Variants in GRIP1 observed in about 807,000 individuals in gnomAD.
The protein encoded by GRIP1 is glutamate receptor-interacting protein 1.
A neutral mutation model predicts 129.9 loss-of-function variants in GRIP1; 45 were observed. The ratio of observed to expected loss-of-function variants is 0.35; its 90% CI spans 0.27 to 0.44. The LOEUF (loss-of-function observed/expected upper bound fraction) is 0.44. GRIP1 is among the 20% of genes least tolerant of loss of function. GRIP1 has a pLI of 1.00. For missense variants in GRIP1, 1,196 were observed against 1,396.8 expected, an observed-to-expected ratio of 0.86 and a Z score of 2.29; for synonymous variants, 530 against 520.8, an observed-to-expected ratio of 1.02 and a Z score of -0.24.
chr12:66,682,806 C>T (rs1388859668), upstream of GRIP1, among the ~76,000 whole-genome samples: 1 of 152,184 alleles, frequency 6.6e-6, no homozygotes, highest in East Asian at 1.9e-4. Flanking sequence ...AAATACTCAA[C>T]TATTTTATAT....
intron 24 of GRIP1, 128 bp from the exon 25 acceptor site, chr12:66,349,374 A>T: frequency 2.7e-6 from 2 of 743,074 alleles, no homozygotes; most frequent in Admixed American, 4.0e-5. Flanking sequence ...CATGAGGTCT[A>T]TCCTTGTGAC....
At chr12:66,763,024 T>G (rs2037522466) in intron 1 of GRIP1, among the ~76,000 whole-genome samples, 1 of 152,194 alleles carries the variant, frequency 6.6e-6, no homozygotes, top group South Asian at 2.1e-4. Context: ...CATGCCCACA[T>G]AGTTTGTTCT....
Position 66,657,915 on chromosome 12 carries a change from G to A in GRIP1, c.55+20935C>T, listed in dbSNP as rs187405776. Reference sequence around the variant, plus strand: ...GCTCTTAAATGTCTGAAAAAGTCATGTTTCAAGAATTTAACTTAAATTTAG... The same window carrying A: ...GCTCTTAAATGTCTGAAAAAGTCATATTTCAAGAATTTAACTTAAATTTAG... On this transcript the variant is annotated intron_variant, in intron 1 of 24. Coordinates refer to ENST00000359742, the MANE Select transcript of GRIP1 (RefSeq NM_001366722.1). Among the ~76,000 whole-genome samples, 102 of 152,280 alleles carry A rather than the reference G, an allele frequency of 6.7e-4. 1 individual carries two copies. The highest frequency in any genetic ancestry group is 2.4e-3 in the African/African-American group (99 of 41,558).
chr12:66,741,390 T>C (rs1006738617), intron 1 of GRIP1, among the ~76,000 whole-genome samples: 1 of 152,014 alleles, frequency 6.6e-6, no homozygotes, highest in African/African-American at 2.4e-5. Context: ...AACAACTACC[T>C]AAAAAGAAAT....
intron 1 of GRIP1, among the ~76,000 whole-genome samples, chr12:66,956,471 T>G (rs141376304): frequency 9.2e-5 from 14 of 152,326 alleles, no homozygotes; most frequent in Non-Finnish European, 1.6e-4. Flanking sequence ...GTTTCTCCAC[T>G]GTACGGTTCC....
chr12:66,546,146 G>C (rs2061939510), intron 2 of GRIP1, among the ~76,000 whole-genome samples: 1 of 152,018 alleles, frequency 6.6e-6, no homozygotes, highest in African/African-American at 2.4e-5. Flanking sequence ...AAGAAAGTGG[G>C]AGTATTTAGT....
intron 1 of GRIP1, among the ~76,000 whole-genome samples, chr12:66,617,085 TTGTGTGTGTGTG>T (rs71436017): frequency 0.011 from 1,523 of 135,494 alleles, 74 homozygotes; most frequent in Admixed American, 0.094. Flanking sequence ...AACAGACGTT[TTGTGTGTGTGTG>T]TGTGTGTGTG....
intron 1 of GRIP1, among the ~76,000 whole-genome samples, chr12:66,767,472 A>T (rs1299454932): frequency 6.6e-6 from 1 of 152,178 alleles, no homozygotes; most frequent in Non-Finnish European, 1.5e-5. Context: ...ACAGGATTAA[A>T]GGCACTAGTG....
chr12:66,970,146 A>T lies in GRIP1; in HGVS notation c.58+98904T>A, dbSNP rs1451553149. 3.3e-5 allele frequency among the ~76,000 whole-genome samples: 5 copies of T among 152,190 alleles called. No homozygotes were observed. The East Asian group carries it at 9.7e-4, about 30-fold the overall frequency. The stretch of plus-strand genomic sequence containing the variant: ...GCCCAAGCTGGAATGCAATGATGTG[A>T]TCACAGCTTACTGCAGTCTTGACCT... On this transcript the variant is annotated intron_variant, in intron 1 of 1. Coordinates refer to the GRIP1 transcript ENST00000643019.
chr12:66,521,367 C>T (rs1034920677), intron 5 of GRIP1, among the ~76,000 whole-genome samples: 1 of 152,182 alleles, frequency 6.6e-6, no homozygotes, highest in African/African-American at 2.4e-5. Flanking sequence ...TTATCCACAT[C>T]TCTTTTATTC....
intron 1 of GRIP1, among the ~76,000 whole-genome samples, chr12:66,810,978 A>T (rs2136951460): frequency 6.6e-6 from 1 of 152,354 alleles, no homozygotes; most frequent in Admixed American, 6.5e-5. Context: ...TTTTGAGTTA[A>T]AAAGACAGTG....
At chr12:66,503,739 G>A (rs768662673) in intron 7 of GRIP1, among the ~76,000 whole-genome samples, 9 of 152,140 alleles carry the variant, frequency 5.9e-5, no homozygotes, top group Non-Finnish European at 1.3e-4. Context: ...CAATCAGAGT[G>A]TGGTGAACAG....
At chr12:66,401,457 T>C (rs1429347664) in intron 16 of GRIP1, among the ~76,000 whole-genome samples, 1 of 151,552 alleles carries the variant, frequency 6.6e-6, no homozygotes, top group Non-Finnish European at 1.5e-5. Context: ...TGGACACCTG[T>C]AATCCCAGCT....
intron 1 of GRIP1, among the ~76,000 whole-genome samples, chr12:66,660,797 T>C (rs945242747): frequency 4.6e-5 from 7 of 152,098 alleles, no homozygotes; most frequent in African/African-American, 7.2e-5. Context: ...GTATTAAGGA[T>C]ACTGAGAGGA....
chr12:66,714,889 AT>A (rs1303813542), intron 1 of GRIP1, among the ~76,000 whole-genome samples: 11 of 28,670 alleles, frequency 3.8e-4, no homozygotes, highest in African/African-American at 1.3e-3. Flanking sequence ...CAATCCACCC[AT>A]CCATCCATCC....
intron 1 of GRIP1, among the ~76,000 whole-genome samples, chr12:66,914,857 T>C (rs1012816995): frequency 6.6e-6 from 1 of 152,140 alleles, no homozygotes; most frequent in Non-Finnish European, 1.5e-5. Flanking sequence ...GGCATGGTGG[T>C]GCATTCCTAT....
rs528759591 is a variant in GRIP1 at position 66,475,371 on chromosome 12, A to ATAATAGTG, written c.725-9957_725-9950dup. On this transcript the variant is annotated intron_variant, in intron 7 of 24. Transcript: ENST00000359742. ...ACAAAGAGACTTAGACTCCCACACA[A>ATAATAGTG]TAATAGTGGGAGACTTTAACACCGC... is the stretch of plus-strand genomic sequence containing the variant. Among the ~76,000 whole-genome samples the ATAATAGTG allele has an allele frequency of 2.4e-3, 365 of 152,276 alleles. 1 individual carries two copies. The highest frequency in any genetic ancestry group is 8.2e-3 in the African/African-American group (341 of 41,554).
chr12:66,446,094 G>GCCACCCCCCCCC (rs1555185775), intron 11 of GRIP1, among the ~76,000 whole-genome samples: 104 of 140,386 alleles, frequency 7.4e-4, no homozygotes, highest in African/African-American at 2.9e-3. Context: ...CATTCCTCCT[G>GCCACCCCCCCCC]CCGCCCCCCA....
intron 2 of GRIP1, among the ~76,000 whole-genome samples, chr12:66,546,911 G>A (rs115825442): frequency 0.017 from 2,549 of 152,092 alleles, 76 homozygotes; most frequent in African/African-American, 0.059. Context: ...TCAGCAAATT[G>A]GACTTCATCA....
Sources: allele counts gnomAD v4.1 joint callset (sites outside exome capture counted in the v4.1 genomes callset), GRCh38; gene constraint gnomAD v4.1.1; transcripts MANE v1.5; gene names NCBI Gene and HGNC (gene_info 2026-07-23, HGNC 2026-07-21).